The following TNFRSF11B variants were observed in gnomAD, a reference collection of about 807,000 sequenced individuals.
TNFRSF11B encodes tumor necrosis factor receptor superfamily member 11B.
A neutral mutation model predicts 43.4 loss-of-function variants in TNFRSF11B; 16 were observed. That is an observed-to-expected ratio of 0.37 (90% CI 0.25 to 0.56). The LOEUF is 0.56. Ranked by LOEUF, TNFRSF11B falls within the 20% of genes least tolerant of loss-of-function variation. The pLI is 0.80. For synonymous variants in TNFRSF11B, 185 were observed against 181.8 expected (o/e 1.02, Z -0.14); for missense variants, 444 against 490.1 (o/e 0.91, Z 0.89).
intron 2 of TNFRSF11B, among the ~76,000 whole-genome samples, chr8:118,931,673 C>G (rs952245256): frequency 1.3e-5 from 2 of 152,180 alleles, no homozygotes; most frequent in African/African-American, 4.8e-5. Flanking sequence ...GACTCTGATG[C>G]AATTTGCATC....
chr8:118,941,548 T>A (rs981851359), intron 1 of TNFRSF11B, among the ~76,000 whole-genome samples: 1 of 152,200 alleles, frequency 6.6e-6, no homozygotes, highest in African/African-American at 2.4e-5. Context: ...GTAATTTTTG[T>A]TCCCTTCAGA....
chr8:118,950,998 G>A (rs11573811), intron 1 of TNFRSF11B, among the ~76,000 whole-genome samples: 2 of 151,938 alleles, frequency 1.3e-5, no homozygotes, highest in Admixed American at 1.3e-4. Context: ...ATAAGTCATT[G>A]GTCATAGAAA....
At position 118,926,599 on chromosome 8, in the gene TNFRSF11B, C is replaced by G. The variant is rs1331937056; in HGVS notation, c.712G>C (p.Glu238Gln). Reference sequence around the variant, plus strand: ...GAGCTGTGTTGCCGTTTTATCCTCTCTACACTCTCTGCGTTTACTTTGGTG... The same window carrying G: ...GAGCTGTGTTGCCGTTTTATCCTCTGTACACTCTCTGCGTTTACTTTGGTG... Reference protein sequence around the residue: ...PGTKVNAESVERIKRQHSSQE... With the variant: ...PGTKVNAESVQRIKRQHSSQE... The change falls in exon 4 of 5, where the codon GAG (glutamate) becomes CAG (glutamine). Residue 238 changes from glutamate to glutamine, a missense_variant. Transcript: ENST00000297350. The G allele has an allele frequency of 1.2e-6, 2 of 1,614,138 alleles. No homozygotes were observed. The highest frequency in any genetic ancestry group is 1.7e-6 in the Non-Finnish European group (2 of 1,180,000).
chr8:118,924,344 G>A lies in TNFRSF11B; in HGVS notation c.*30C>T, dbSNP rs756195933. The A allele has an allele frequency of 6.2e-7, 1 of 1,612,942 alleles. No homozygotes were observed. The highest frequency in any genetic ancestry group is 2.2e-5 in the East Asian group (1 of 44,888). ...ACTCATCCATGGGATCTCGCCAATT[G>A]TGAGGAAACAGCTCAATGGCCATTT... On this transcript the variant is annotated 3_prime_UTR_variant, in exon 5 of 5. Transcript: ENST00000297350.
intron 1 of TNFRSF11B, among the ~76,000 whole-genome samples, chr8:118,935,265 C>T (rs887371953): frequency 1.3e-5 from 2 of 152,140 alleles, no homozygotes; most frequent in Non-Finnish European, 2.9e-5. Context: ...TAGTGAGTGG[C>T]AGCTCTGGTT....
intron 4 of TNFRSF11B, among the ~76,000 whole-genome samples, 179 bp from the exon 5 acceptor site, chr8:118,924,941 T>G (rs1171046088): frequency 1.3e-5 from 2 of 152,200 alleles, no homozygotes; most frequent in African/African-American, 4.8e-5. Flanking sequence ...GAGATAAATA[T>G]TTTTTGTTAT....
chr8:118,929,719 A>G (rs757754333), intron 2 of TNFRSF11B, among the ~76,000 whole-genome samples: 5 of 152,226 alleles, frequency 3.3e-5, no homozygotes, highest in Non-Finnish European at 5.9e-5. Context: ...AAAAATAAAT[A>G]CCTTCAAACA....
intron 2 of TNFRSF11B, among the ~76,000 whole-genome samples, chr8:118,931,882 C>T (rs1812334638): frequency 6.6e-6 from 1 of 152,066 alleles, no homozygotes; most frequent in African/African-American, 2.4e-5. Context: ...AGTGATTTTG[C>T]CACCTGACGA....
Position 118,928,319 on chromosome 8 carries a change from G to T in TNFRSF11B, c.592+419C>A, listed in dbSNP as rs557746441. Among the ~76,000 whole-genome samples, 15 of 152,240 alleles carry T rather than the reference G, an allele frequency of 9.9e-5. No homozygotes were observed. The East Asian group carries it at 2.7e-3, about 27-fold the overall frequency. ...TTATAGGAGTAAGCCACCATGCCTGGCCTAATTTGTCATCATGTTTATATC... is the reference window on the plus strand; with the variant it reads ...TTATAGGAGTAAGCCACCATGCCTGTCCTAATTTGTCATCATGTTTATATC... On this transcript the variant is annotated intron_variant, in intron 3 of 4. Transcript: ENST00000297350.
Position 118,924,594 on chromosome 8 carries a change from A to T in TNFRSF11B, c.986T>A (p.Leu329His). The change falls in exon 5 of 5, where the codon CTC becomes CAC. Residue 329 changes from leucine (L) to histidine (H), a missense_variant. Physicochemically the swap from Leu to His is moderately conservative, Grantham distance 99. Transcript: ENST00000297350. ...GCCATTTTTTATTCGCCACAAACTG[A>T]GCAGCTTCAGGATCTGGTCACTGGG... ...CKPSDQILKL[L>H]SLWRIKNGDQ... 1 of 1,614,042 alleles carries T rather than the reference A, an allele frequency of 6.2e-7. No individual in the cohort carries two copies. Among genetic ancestry groups the T allele is most frequent in the South Asian group, 1.1e-5 (1 of 91,076 alleles).
chr8:118,941,987 C>T (rs1812493820), intron 1 of TNFRSF11B, among the ~76,000 whole-genome samples: 1 of 152,160 alleles, frequency 6.6e-6, no homozygotes, highest in Non-Finnish European at 1.5e-5. Flanking sequence ...GGTAGCACCG[C>T]TACCTCAGGG....
intron 2 of TNFRSF11B, 72 bp downstream of exon 2, chr8:118,932,859 T>C: frequency 6.3e-7 from 1 of 1,597,772 alleles, no homozygotes; most frequent in Admixed American, 1.7e-5. Context: ...AGAACAAAAG[T>C]GTTCTCCTAA....
At position 118,924,104 on chromosome 8, in the gene TNFRSF11B, A is replaced by G. The variant is rs1488974156; in HGVS notation, c.*270T>C. The G allele has an allele frequency of 6.6e-6, 2 of 300,964 alleles. No individual in the cohort carries two copies. The highest frequency in any genetic ancestry group is 6.2e-5 in the East Asian group (1 of 16,060). The allele number at this position is 300,964 out of a possible 1,614,324, so 18.6% of individuals were successfully genotyped here. A position where few individuals can be genotyped will look rare whatever the true frequency, so the allele number is the denominator to read the frequency against. ...CAATGGAGTCTAGTTTTTTTTTTTT[A>G]ATTTCCAGTTGAATTACTGCAAGCA... On this transcript the variant is annotated 3_prime_UTR_variant, in exon 5 of 5. Transcript: ENST00000297350.
intron 4 of TNFRSF11B, 29 bp downstream of exon 4, chr8:118,926,465 A>G (rs367991519): frequency 2.5e-5 from 39 of 1,580,808 alleles, no homozygotes; most frequent in South Asian, 3.3e-5. Context: ...TTGATTTCTG[A>G]TTGATCTTTT....
At chr8:118,931,939 G>T (rs542281127) in intron 2 of TNFRSF11B, among the ~76,000 whole-genome samples, 20 of 152,252 alleles carry the variant, frequency 1.3e-4, no homozygotes, top group Admixed American at 1.0e-3. Flanking sequence ...ATGGGGGAAG[G>T]ACTGCTATTG....
At chr8:118,946,590 T>C (rs926648382) in intron 1 of TNFRSF11B, among the ~76,000 whole-genome samples, 6 of 152,170 alleles carry the variant, frequency 3.9e-5, no homozygotes, top group African/African-American at 7.2e-5. Context: ...AAGTTTTATT[T>C]TGATTTTTGT....
chr8:118,947,002 C>T (rs1256116390), intron 1 of TNFRSF11B, among the ~76,000 whole-genome samples: 1 of 152,170 alleles, frequency 6.6e-6, no homozygotes, highest in Non-Finnish European at 1.5e-5. Flanking sequence ...GGCCAGAAAA[C>T]TGGTACAGCC....
chr8:118,929,102 CA>C, intron 2 of TNFRSF11B, 173 bp from the exon 3 acceptor site: 1 of 640,118 alleles, frequency 1.6e-6, no homozygotes, highest in Non-Finnish European at 2.7e-6. Flanking sequence ...AAACTTCCAC[CA>C]TCATCCCCTT....
chr8:118,924,759 A>G lies in TNFRSF11B; in HGVS notation c.821T>C (p.Ile274Thr), dbSNP rs1011249376. ...QDIVKKIIQD[I>T]DLCENSVQRH... ...CTGCACGCTGTTTTCACAGAGGTCA[A>G]TATCTGCATAAAGCAAAAGCCCAGA... Residue 274 changes from isoleucine (I) to threonine (T), a missense_variant, in exon 5 of 5, where the codon ATT becomes ACT. Physicochemically the swap from Ile to Thr is moderately conservative, Grantham distance 89. Coordinates refer to ENST00000297350, the MANE Select transcript of TNFRSF11B (RefSeq NM_002546.4). 1.2e-6 allele frequency: 2 copies of G among 1,614,140 alleles called. No individual in the cohort carries two copies. Among genetic ancestry groups the G allele is most frequent in the East Asian group, 2.2e-5 (1 of 44,884 alleles).
Sources: gnomAD v4.1 joint callset for allele counts (sites outside exome capture counted in the v4.1 genomes callset) on GRCh38, gnomAD v4.1.1 for gene constraint, MANE v1.5 for transcripts, NCBI Gene and HGNC (gene_info 2026-07-23, HGNC 2026-07-21) for gene names.